WDR33: variants seen among roughly 807,000 people sequenced by gnomAD.
WDR33 encodes the protein pre-mRNA 3' end processing protein WDR33.
A neutral mutation model predicts 164.9 loss-of-function variants in WDR33; 47 were observed. The ratio of observed to expected loss-of-function variants is 0.29; its 90% CI spans 0.23 to 0.36. WDR33 has a LOEUF of 0.36. Ranked by LOEUF, WDR33 falls within the 10% of genes least tolerant of loss-of-function variation. The pLI is 1.00. For synonymous variants in WDR33, 505 were observed against 589.0 expected, an observed-to-expected ratio of 0.86 and a Z score of 2.06; for missense variants, 1,137 against 1,754.1, an observed-to-expected ratio of 0.65 and a Z score of 6.28.
intron 4 of WDR33, 21 bp from the exon 5 acceptor site, chr2:127,765,290 G>C (rs751998908): frequency 1.3e-6 from 2 of 1,569,398 alleles, no homozygotes; most frequent in South Asian, 1.2e-5. Flanking sequence ...AAAAAAGACA[G>C]GTTATACATC....
chr2:127,791,942 CTTT>C (rs373606033), intron 1 of WDR33, among the ~76,000 whole-genome samples: 1 of 144,404 alleles, frequency 6.9e-6, no homozygotes. Context: ...GTCTTAGTAT[CTTT>C]TTTTTTTTTT....
intron 1 of WDR33, among the ~76,000 whole-genome samples, chr2:127,788,066 G>A (rs1420144188): frequency 3.4e-5 from 3 of 87,604 alleles, no homozygotes; most frequent in Admixed American, 9.5e-5. Context: ...GGCCGGGCGG[G>A]GGGCCGACAC....
chr2:127,765,397 G>A (rs916897820), intron 4 of WDR33, 128 bp from the exon 5 acceptor site: 17 of 691,484 alleles, frequency 2.5e-5, no homozygotes, highest in Admixed American at 8.4e-5. Context: ...CTTAAATGTA[G>A]CTCAGCTTTA....
At chr2:127,736,045 G>T (rs1444717526) in intron 7 of WDR33, 2 of 985,350 alleles carry the variant, frequency 2.0e-6, no homozygotes, top group Non-Finnish European at 2.4e-6. Context: ...CGGCAGTCAG[G>T]TAAGTTGAGC....
In WDR33 at chr2:127,720,116, G is replaced by A. The variant is rs761802983; in HGVS notation, c.1909C>T (p.Pro637Ser). Residue 637 changes from proline (P) to serine (S), a missense_variant, in exon 16 of 22, where the codon CCA (proline) becomes TCA (serine). Pro to Ser is a moderately conservative substitution (Grantham distance 74, BLOSUM62 -1). Transcript: ENST00000322313. The surrounding 1 kb of genome is among the most constrained non-coding windows in gnomAD (Gnocchi z 5.9). ...RPPGPQGQMG[P>S]QGPPLHQGGG... is the part of the protein sequence containing the mutation. ...CCCTGATGCAGTGGAGGACCTTGTG[G>A]TCCCATTTGTCCCTGGGGTCCAGGA... is the stretch of plus-strand genomic sequence containing the variant. The A allele has an allele frequency of 3.1e-6, 5 of 1,614,176 alleles. No homozygotes were observed. The Admixed American group carries it at 8.3e-5, about 27-fold the overall frequency.
At chr2:127,771,041 A>T (rs908289193) in intron 1 of WDR33, 37 bp from the exon 2 acceptor site, 13 of 1,508,876 alleles carry the variant, frequency 8.6e-6, no homozygotes, top group Non-Finnish European at 1.2e-5. Context: ...TACAAATATC[A>T]GCACTGCAAC....
At chr2:127,736,464 A>G in intron 7 of WDR33, 1 of 985,460 alleles carries the variant, frequency 1.0e-6, no homozygotes. Flanking sequence ...TAGTGTCAGG[A>G]GCAACCAATA....
chr2:127,803,503 G>A (rs575766215), intron 1 of WDR33, among the ~76,000 whole-genome samples: 1 of 152,094 alleles, frequency 6.6e-6, no homozygotes, highest in Non-Finnish European at 1.5e-5. Flanking sequence ...AGGAGGCAGA[G>A]GTTGCAATGA....
rs201186595 is a variant in WDR33, at chr2:127,708,638, C to T, written c.3781+39G>A. 215 of 1,534,408 alleles carry T rather than the reference C, an allele frequency of 1.4e-4. 1 individual carries two copies. The highest frequency in any genetic ancestry group is 1.8e-4 in the Non-Finnish European group (203 of 1,138,414). ...ATACAGGCAAGGCCTCCATCGGCCC[C>T]TGCATCTCCTGGAACCATAACCACT... is the stretch of plus-strand genomic sequence containing the variant. On this transcript the variant is annotated intron_variant, in intron 21 of 21. Transcript: ENST00000322313. This position sits in a 1 kb window ranked among gnomAD's most constrained non-coding sequence, Gnocchi z 6.7.
Position 127,735,756 on chromosome 2 carries a change from A to C in WDR33, c.725-8979T>G, listed in dbSNP as rs1686822408. 1.0e-6 allele frequency: 1 copy of C among 985,474 alleles called. No homozygotes were observed. Among genetic ancestry groups the C allele is most frequent in the Non-Finnish European group, 1.2e-6 (1 of 829,932 alleles). The allele number at this position is 985,474 out of a possible 1,614,324, so 61.0% of individuals were successfully genotyped here. ...GGATTTAAGATTTTAAAAAATTAAG[A>C]AGCATAAGTAATCTGTGCTCTGGTC... On this transcript the variant is annotated intron_variant, in intron 7 of 21. Coordinates refer to ENST00000322313, the MANE Select transcript of WDR33 (RefSeq NM_018383.5). This position sits in a 1 kb window ranked among gnomAD's most constrained non-coding sequence, Gnocchi z 4.3.
intron 1 of WDR33, among the ~76,000 whole-genome samples, chr2:127,788,032 A>C (rs1314675238): frequency 2.1e-5 from 1 of 46,976 alleles, no homozygotes; most frequent in Admixed American, 2.0e-4. Context: ...GACACCCCCC[A>C]CCTCCCTCCC....
Position 127,722,787 on chromosome 2 carries a change from T to A in WDR33, c.1379-57A>T. On this transcript the variant is annotated intron_variant, in intron 13 of 21. Coordinates refer to ENST00000322313, the MANE Select transcript of WDR33 (RefSeq NM_018383.5). The surrounding 1 kb of genome is among the most constrained non-coding windows in gnomAD (Gnocchi z 5.1). ...TAAATAAAAGAAATTGGCCACTTGA[T>A]CAATGAACACATTATTGGAAGAATA... The A allele has an allele frequency of 3.2e-6, 5 of 1,567,946 alleles. No individual in the cohort carries two copies. The highest frequency in any genetic ancestry group is 4.4e-6 in the Non-Finnish European group (5 of 1,148,900).
chr2:127,736,020 AT>A (rs1686830230), intron 7 of WDR33: 1 of 985,378 alleles, frequency 1.0e-6, no homozygotes, highest in African/African-American at 1.7e-5. Flanking sequence ...GCATAGAATC[AT>A]GGGTGAAGGG....
In WDR33 at chr2:127,720,054, C is replaced by T. The variant is rs1686399300; in HGVS notation, c.1971G>A (p.Gly657=). The T allele has an allele frequency of 1.9e-6, 3 of 1,613,980 alleles. No individual in the cohort carries two copies. The highest frequency in any genetic ancestry group is 2.2e-5 in the East Asian group (1 of 44,896). ...GGPQGFMGPQ[G]PQGPPQGLPR... ...GCAACCCCTGGGGCGGGCCCTGGGGCCCCTGTGGTCCCATGAATCCTTGTG... is the reference window on the plus strand; with the variant it reads ...GCAACCCCTGGGGCGGGCCCTGGGGTCCCTGTGGTCCCATGAATCCTTGTG... The change falls in exon 16 of 22, where the codon GGG becomes GGA. Residue 657 remains glycine, a synonymous_variant. Transcript: ENST00000322313. The surrounding 1 kb of genome is among the most constrained non-coding windows in gnomAD (Gnocchi z 5.9).
chr2:127,732,337 C>T (rs1686732673), intron 7 of WDR33, among the ~76,000 whole-genome samples: 1 of 151,248 alleles, frequency 6.6e-6, no homozygotes, highest in Non-Finnish European at 1.5e-5. Flanking sequence ...TGCACTCTAT[C>T]GCCCAGGCTA....
At chr2:127,783,140 C>T (rs1238284328) in intron 1 of WDR33, among the ~76,000 whole-genome samples, 1 of 152,158 alleles carries the variant, frequency 6.6e-6, no homozygotes, top group Non-Finnish European at 1.5e-5. Context: ...AGTACTACTC[C>T]CCCATGCATA....
chr2:127,731,028 G>A (rs765061004), intron 7 of WDR33, among the ~76,000 whole-genome samples: 4 of 151,720 alleles, frequency 2.6e-5, no homozygotes, highest in East Asian at 1.9e-4. Context: ...GCACGGTGGC[G>A]CATGCCTGTA....
rs989292911 is a variant in WDR33 at position 127,738,023 on chromosome 2, G to A, written c.725-11246C>T. 1 of 1,612,994 alleles carries A rather than the reference G, an allele frequency of 6.2e-7. No individual in the cohort carries two copies. Among genetic ancestry groups the A allele is most frequent in the Middle Eastern group, 1.7e-4 (1 of 6,060 alleles). On this transcript the variant is annotated intron_variant, in intron 7 of 21. Transcript: ENST00000322313. This position sits in a 1 kb window ranked among gnomAD's most constrained non-coding sequence, Gnocchi z 4.4. ...CTGTTATTCACCTCTTGACAGAAAG[G>A]AAGTAACAACGGCAGTGATGAAAAC...
rs776576891 is a variant in WDR33, at chr2:127,724,474, T to G, written c.1086-31A>C. On this transcript the variant is annotated intron_variant, in intron 10 of 21. Coordinates refer to ENST00000322313, the MANE Select transcript of WDR33 (RefSeq NM_018383.5). The surrounding 1 kb of genome is among the most constrained non-coding windows in gnomAD (Gnocchi z 4.8). ...ACAGCACCAAAGAGAGAAGATTTGTTCACAAAAGTTACCCAGCTTCTCCCT... is the reference window on the plus strand; with the variant it reads ...ACAGCACCAAAGAGAGAAGATTTGTGCACAAAAGTTACCCAGCTTCTCCCT... The G allele has an allele frequency of 6.3e-7, 1 of 1,590,556 alleles. No homozygotes were observed. Among genetic ancestry groups the G allele is most frequent in the Admixed American group, 1.7e-5 (1 of 58,694 alleles).
Sources: allele counts gnomAD v4.1 joint callset (sites outside exome capture counted in the v4.1 genomes callset), GRCh38; gene constraint gnomAD v4.1.1; non-coding constraint Gnocchi (gnomAD v3.1); transcripts MANE v1.5; gene names NCBI Gene and HGNC (gene_info 2026-07-23, HGNC 2026-07-21).